TRIM37: variants seen among roughly 807,000 people sequenced by gnomAD.
TRIM37 encodes the protein E3 ubiquitin-protein ligase TRIM37.
In TRIM37, 80 loss-of-function variants were observed where a neutral mutation model predicts 129.8. The observed-to-expected ratio is 0.62, with a 90% CI of 0.51 to 0.74. The LOEUF (loss-of-function observed/expected upper bound fraction) is 0.74. TRIM37 is among the 30% of genes least tolerant of loss of function. TRIM37 has a pLI of 0.00. For missense variants in TRIM37, 1,054 were observed against 1,176.5 expected (o/e 0.90, Z 1.52); for synonymous variants, 389 against 387.1 (o/e 1.00, Z -0.06).
intron 16 of TRIM37, among the ~76,000 whole-genome samples, chr17:59,047,368 G>A (rs1467059153): frequency 6.6e-6 from 1 of 152,028 alleles, no homozygotes; most frequent in Non-Finnish European, 1.5e-5. Flanking sequence ...AAGTATATTC[G>A]ATCTCAAGTG....
In TRIM37 at chr17:59,051,304, G is replaced by C. The variant is rs758152135; in HGVS notation, c.1224C>G (p.Phe408Leu). ...AATGCTGGTCCCGGGATTTTTGAAA[G>C]AAAGTTGGTGAACGTACCTGAAACC... The part of the protein sequence containing the change: ...ILRFQVRSPT[F>L]FQKSRDQHWY... Residue 408 changes from phenylalanine to leucine, a missense_variant, in exon 14 of 24, where the codon TTC becomes TTG. Transcript: ENST00000262294. 11 of 1,613,298 alleles carry C rather than the reference G, an allele frequency of 6.8e-6. No individual in the cohort carries two copies. In the Admixed American group the frequency reaches 1.5e-4, roughly 22 times the overall value.
intron 20 of TRIM37, among the ~76,000 whole-genome samples, chr17:59,016,844 G>C (rs2036004358): frequency 6.6e-6 from 1 of 151,982 alleles, no homozygotes; most frequent in South Asian, 2.1e-4. Flanking sequence ...ATAGTCTAAT[G>C]GCTGTATTTT....
At chr17:59,066,987 T>C (rs2041964658) in intron 9 of TRIM37, among the ~76,000 whole-genome samples, 1 of 152,222 alleles carries the variant, frequency 6.6e-6, no homozygotes, top group African/African-American at 2.4e-5. Flanking sequence ...CTCAAAAATT[T>C]CTTTTGCGAA....
intron 16 of TRIM37, among the ~76,000 whole-genome samples, chr17:59,047,316 T>C (rs2039923728): frequency 6.6e-6 from 1 of 152,186 alleles, no homozygotes; most frequent in Non-Finnish European, 1.5e-5. Flanking sequence ...TATTCTATAG[T>C]TATGTAAGAA....
intron 22 of TRIM37, among the ~76,000 whole-genome samples, chr17:59,008,152 C>T (rs906311986): frequency 3.3e-5 from 5 of 152,202 alleles, no homozygotes; most frequent in African/African-American, 9.7e-5. Flanking sequence ...GTACTACCTT[C>T]TCTCAGCCTC....
intron 3 of TRIM37, among the ~76,000 whole-genome samples, chr17:59,090,998 C>T (rs1331364188): frequency 6.6e-6 from 1 of 151,868 alleles, no homozygotes; most frequent in Non-Finnish European, 1.5e-5. Context: ...ATAAATTATG[C>T]CCTAACTATC....
chr17:58,969,161 G>C, the TRIM37 span, among the ~76,000 whole-genome samples: 1 of 152,022 alleles, frequency 6.6e-6, no homozygotes, highest in African/African-American at 2.4e-5. Flanking sequence ...CACTCAATCT[G>C]GAGCTGCTTT....
chr17:59,096,571 A>C (rs949023204), intron 2 of TRIM37, among the ~76,000 whole-genome samples: 5 of 151,180 alleles, frequency 3.3e-5, no homozygotes, highest in African/African-American at 1.2e-4. Context: ...AACAAAAAAA[A>C]AAAAACCAAC....
At chr17:58,977,572 T>C in the TRIM37 span, among the ~76,000 whole-genome samples, 3 of 152,200 alleles carry the variant, frequency 2.0e-5, no homozygotes, top group African/African-American at 7.2e-5. Context: ...ATTTCTTACC[T>C]AATAGATATA....
At chr17:58,972,939 A>C in the TRIM37 span, 1 of 1,604,380 alleles carries the variant, frequency 6.2e-7, no homozygotes, top group Non-Finnish European at 8.5e-7. Flanking sequence ...GGAAAAACAA[A>C]TTTTTGTTTC....
intron 4 of TRIM37, among the ~76,000 whole-genome samples, chr17:59,086,833 G>C (rs1450942453): frequency 6.6e-6 from 1 of 152,118 alleles, no homozygotes; most frequent in Non-Finnish European, 1.5e-5. Context: ...CAAACAGCAA[G>C]TAAGAAAGAC....
At chr17:59,029,885 C>T (rs1418082099) in intron 18 of TRIM37, among the ~76,000 whole-genome samples, 1 of 152,320 alleles carries the variant, frequency 6.6e-6, no homozygotes, top group East Asian at 1.9e-4. Context: ...TTATTAACAT[C>T]CCTTCACTGA....
chr17:59,042,441 A>ATATATATAT lies in TRIM37; in HGVS notation c.1668-544_1668-543insATATATATA, dbSNP rs1555661491. On this transcript the variant is annotated intron_variant, in intron 16 of 23. Transcript: ENST00000262294. ...AGAAAAAAAGGAATTTAAAAAAAAA[A>ATATATATAT]AAAAAAAAATATATATATATATATA... is the stretch of plus-strand genomic sequence containing the variant. 1.4e-3 allele frequency among the ~76,000 whole-genome samples: 114 copies of ATATATATAT among 84,368 alleles called. 1 individual carries two copies. The highest frequency in any genetic ancestry group is 5.5e-3 in the African/African-American group (92 of 16,838). 55.3% of individuals were successfully genotyped at this position (84,368 alleles called of 152,430 possible).
intron 4 of TRIM37, chr17:59,088,048 TC>T: frequency 3.3e-6 from 2 of 597,600 alleles, no homozygotes; most frequent in Non-Finnish European, 5.9e-6. Flanking sequence ...CAAAGTACTT[TC>T]TGTGTGGGGG....
chr17:58,993,625 C>T (rs186462025), downstream of TRIM37, among the ~76,000 whole-genome samples: 10 of 152,158 alleles, frequency 6.6e-5, no homozygotes, highest in African/African-American at 2.4e-4. Flanking sequence ...TAGCCAGGAG[C>T]TGTGGGGAAG....
chr17:59,090,784 C>T (rs924542722), intron 3 of TRIM37, among the ~76,000 whole-genome samples: 1 of 152,060 alleles, frequency 6.6e-6, no homozygotes, highest in South Asian at 2.1e-4. Context: ...CGCCACCACG[C>T]CCAGCTAATT....
chr17:59,040,774 C>T (rs944388085), intron 17 of TRIM37, among the ~76,000 whole-genome samples: 33 of 152,030 alleles, frequency 2.2e-4, no homozygotes, highest in African/African-American at 7.0e-4. Flanking sequence ...AGGCCGGGCG[C>T]GGTGGCTCAC....
rs1400379594 is a variant in TRIM37 at position 59,007,203 on chromosome 17, A to C, written c.2695+5125T>G. Among the ~76,000 whole-genome samples the C allele has an allele frequency of 2.0e-3, 138 of 69,148 alleles. 2 individuals are homozygous for C. The highest frequency in any genetic ancestry group is 6.6e-3 in the Middle Eastern group (1 of 152). The allele number at this position is 69,148 out of a possible 152,430, so 45.4% of individuals were successfully genotyped here. A position where few individuals can be genotyped will look rare whatever the true frequency, so the allele number is the denominator to read the frequency against. ...CACACACACACACACACACACACAC[A>C]CACTAAAACCACCCCACCCCCACCC... On this transcript the variant is annotated intron_variant, in intron 22 of 23. Coordinates refer to ENST00000262294, the MANE Select transcript of TRIM37 (RefSeq NM_015294.6).
At chr17:58,977,638 C>G (rs1663276937), downstream of TRIM37, among the ~76,000 whole-genome samples, 1 of 152,146 alleles carries the variant, frequency 6.6e-6, no homozygotes, top group African/African-American at 2.4e-5. Context: ...ATCATGCAAC[C>G]TGCTAGATAG....
Sources: gnomAD v4.1 joint callset for allele counts (sites outside exome capture counted in the v4.1 genomes callset) on GRCh38, gnomAD v4.1.1 for gene constraint, MANE v1.5 for transcripts, NCBI Gene and HGNC (gene_info 2026-07-23, HGNC 2026-07-21) for gene names.